Variants in CRIPT observed in about 807,000 individuals in gnomAD.
CRIPT encodes the protein cysteine-rich PDZ-binding protein.
A neutral mutation model predicts 16.6 loss-of-function variants in CRIPT; 20 were observed. That is an observed-to-expected ratio of 1.20 (90% confidence interval 0.85 to 1.75). The LOEUF is 1.75. Among genes scored for constraint, CRIPT ranks in the 40% most tolerant of loss-of-function variants. CRIPT has a pLI of 0.00. For synonymous variants in CRIPT, 42 were observed against 37.0 expected (o/e 1.14, Z -0.49); for missense variants, 133 against 115.3 (o/e 1.15, Z -0.70).
Position 46,625,980 on chromosome 2 carries a change from T to C in CRIPT, c.*1753T>C, listed in dbSNP as rs1670928383. Among the ~76,000 whole-genome samples, 1 of 152,168 alleles carries C rather than the reference T, an allele frequency of 6.6e-6. No individual in the cohort carries two copies. Among genetic ancestry groups the C allele is most frequent in the Non-Finnish European group, 1.5e-5 (1 of 68,044 alleles). On this transcript the variant is annotated 3_prime_UTR_variant, in exon 5 of 5. Coordinates refer to ENST00000238892, the MANE Select transcript of CRIPT (RefSeq NM_014171.6). ...CTTTTATTTTAGATGTAGGGGTACA[T>C]GTGCAGGTGAGTTATATGGGTATAT... is the stretch of plus-strand genomic sequence containing the variant.
In CRIPT at chr2:46,625,568, A is replaced by T. The variant is rs1242008571; in HGVS notation, c.*1341A>T. ...CACTACAAAATGTATAGAAAGTGTG[A>T]TGAGATACATGAATGGCATTTTTAT... On this transcript the variant is annotated 3_prime_UTR_variant, in exon 5 of 5. Transcript: ENST00000238892. 6.6e-6 allele frequency: 1 copy of T among 152,070 alleles called. No individual in the cohort carries two copies. The highest frequency in any genetic ancestry group is 6.6e-5 in the Admixed American group (1 of 15,266). 9.4% of individuals were successfully genotyped at this position (152,070 alleles called of 1,614,324 possible).
At chr2:46,618,682 A>T in intron 1 of CRIPT, 91 bp from the exon 2 acceptor site, 1 of 738,238 alleles carries the variant, frequency 1.4e-6, no homozygotes, top group Non-Finnish European at 2.3e-6. Flanking sequence ...AATACCATTG[A>T]TAGTCGATAC....
chr2:46,628,899 GA>G lies in CRIPT; in HGVS notation c.*4679del, dbSNP rs1671008093. On this transcript the variant is annotated 3_prime_UTR_variant, in exon 5 of 5. Transcript: ENST00000238892. ...GCCACAGCCAGAGTTGAAAAATGCA[GA>G]AAAAAAGTTTAAAAACAAGGAATTA... Among the ~76,000 whole-genome samples, 2 of 151,872 alleles carry G rather than the reference GA, an allele frequency of 1.3e-5. No homozygotes were observed. Among genetic ancestry groups the G allele is most frequent in the African/African-American group, 2.4e-5 (1 of 41,370 alleles).
In CRIPT at chr2:46,626,224, A is replaced by G. The variant is rs1290277282; in HGVS notation, c.*1997A>G. 1.3e-5 allele frequency among the ~76,000 whole-genome samples: 2 copies of G among 152,150 alleles called. No homozygotes were observed. Among genetic ancestry groups the G allele is most frequent in the Non-Finnish European group, 2.9e-5 (2 of 68,038 alleles). On this transcript the variant is annotated 3_prime_UTR_variant, in exon 5 of 5. Transcript: ENST00000238892. ...TCTGTTCCTGTGTATATTCACTATA[A>G]TGACCTCCAGCTGCATCCATGTTGC...
chr2:46,627,306 C>T lies in CRIPT; in HGVS notation c.*3079C>T, dbSNP rs1245936365. 2.6e-5 allele frequency among the ~76,000 whole-genome samples: 4 copies of T among 152,158 alleles called. No individual in the cohort carries two copies. The East Asian group carries it at 7.7e-4, about 29-fold the overall frequency. On this transcript the variant is annotated 3_prime_UTR_variant, in exon 5 of 5. Coordinates refer to ENST00000238892, the MANE Select transcript of CRIPT (RefSeq NM_014171.6). ...GAAGCTCTTTAGTTTGATTAGGTTCCACTTGTCAATTTTTGTTTTTGTTGC... is the reference window on the plus strand; with the variant it reads ...GAAGCTCTTTAGTTTGATTAGGTTCTACTTGTCAATTTTTGTTTTTGTTGC...
At chr2:46,624,120 T>A (rs772069104) in intron 4 of CRIPT, 43 bp from the exon 5 acceptor site, 1 of 1,397,762 alleles carries the variant, frequency 7.2e-7, no homozygotes, top group Non-Finnish European at 9.7e-7. Flanking sequence ...ACCAAACAGT[T>A]GGTATTATGA....
At chr2:46,622,669 C>T (rs1423582309) in intron 3 of CRIPT, among the ~76,000 whole-genome samples, 15 of 152,028 alleles carry the variant, frequency 9.9e-5, no homozygotes, top group East Asian at 7.8e-4. Flanking sequence ...CAAAATTAGC[C>T]GGGCGTGGTA....
chr2:46,627,865 A>C lies in CRIPT; in HGVS notation c.*3638A>C, dbSNP rs1223879399. On this transcript the variant is annotated 3_prime_UTR_variant, in exon 5 of 5. Transcript: ENST00000238892. ...TCCAGCACCATTTATTGAATTAGGGAATCCTTTCTCTGTTGCTTATTTTTG... is the reference window on the plus strand; with the variant it reads ...TCCAGCACCATTTATTGAATTAGGGCATCCTTTCTCTGTTGCTTATTTTTG... 1.3e-5 allele frequency among the ~76,000 whole-genome samples: 2 copies of C among 152,126 alleles called. No individual in the cohort carries two copies. The highest frequency in any genetic ancestry group is 2.9e-5 in the Non-Finnish European group (2 of 68,014).
intron 3 of CRIPT, among the ~76,000 whole-genome samples, chr2:46,623,463 A>G (rs1249458756): frequency 6.6e-6 from 1 of 152,240 alleles, no homozygotes; most frequent in Non-Finnish European, 1.5e-5. Flanking sequence ...CCCACATTTC[A>G]TCAGTTTCCA....
Position 46,625,784 on chromosome 2 carries a change from T to A in CRIPT, c.*1557T>A, listed in dbSNP as rs942498767. 1 of 152,134 alleles carries A rather than the reference T, an allele frequency of 6.6e-6. No homozygotes were observed. Among genetic ancestry groups the A allele is most frequent in the Non-Finnish European group, 1.5e-5 (1 of 68,036 alleles). 9.4% of individuals were successfully genotyped at this position (152,134 alleles called of 1,614,324 possible). On this transcript the variant is annotated 3_prime_UTR_variant, in exon 5 of 5. Coordinates refer to ENST00000238892, the MANE Select transcript of CRIPT (RefSeq NM_014171.6). ...GCTTAATCAGTTTGGGGTTTTTAAT[T>A]ATAACACAGGAAACTCATAACAGGA...
rs529606642 is a variant in CRIPT, at chr2:46,625,538, C to T, written c.*1311C>T. 6.6e-6 allele frequency: 1 copy of T among 152,084 alleles called. No individual in the cohort carries two copies. The highest frequency in any genetic ancestry group is 2.4e-5 in the African/African-American group (1 of 41,488). The allele number at this position is 152,084 out of a possible 1,614,324, so 9.4% of individuals were successfully genotyped here. A position where few individuals can be genotyped will look rare whatever the true frequency, so the allele number is the denominator to read the frequency against. On this transcript the variant is annotated 3_prime_UTR_variant, in exon 5 of 5. Coordinates refer to ENST00000238892, the MANE Select transcript of CRIPT (RefSeq NM_014171.6). ...TTTCCAACTGCAGTATGTATAAATA[C>T]ATATCACTACAAAATGTATAGAAAG...
Position 46,618,834 on chromosome 2 carries a change from C to T in CRIPT, c.78C>T (p.Thr26=), listed in dbSNP as rs373483934. 4 of 1,590,352 alleles carry T rather than the reference C, an allele frequency of 2.5e-6. No homozygotes were observed. Among genetic ancestry groups the T allele is most frequent in the African/African-American group, 2.7e-5 (2 of 74,102 alleles). ...PDTWKDGARN[T]TESGGRKLNE... ...CATGGAAAGATGGTGCTAGGAATACCACAGGTATTTCTTCTTTTAGAAAAT... is the reference window on the plus strand; with the variant it reads ...CATGGAAAGATGGTGCTAGGAATACTACAGGTATTTCTTCTTTTAGAAAAT... The change falls in exon 2 of 5, where the codon ACC becomes ACT. Residue 26 remains threonine, a synonymous_variant. Coordinates refer to ENST00000238892, the MANE Select transcript of CRIPT (RefSeq NM_014171.6).
chr2:46,621,083 C>A (rs1482192355), intron 3 of CRIPT, among the ~76,000 whole-genome samples: 1 of 152,196 alleles, frequency 6.6e-6, no homozygotes, highest in African/African-American at 2.4e-5. Flanking sequence ...ACTGTAATAA[C>A]TATTGAACTA....
At chr2:46,620,812 C>G (rs1324293715) in intron 3 of CRIPT, among the ~76,000 whole-genome samples, 1 of 151,478 alleles carries the variant, frequency 6.6e-6, no homozygotes, top group Non-Finnish European at 1.5e-5. Flanking sequence ...AGCAGTTTAT[C>G]TGACATACCT....
chr2:46,618,573 A>T (rs1179655476), intron 1 of CRIPT, among the ~76,000 whole-genome samples, 200 bp from the exon 2 acceptor site: 2 of 152,212 alleles, frequency 1.3e-5, no homozygotes, highest in Non-Finnish European at 1.5e-5. Flanking sequence ...TCATCTTATT[A>T]TCCTACGCAT....
At chr2:46,618,305 G>T (rs1035422292) in intron 1 of CRIPT, among the ~76,000 whole-genome samples, 5 of 151,058 alleles carry the variant, frequency 3.3e-5, no homozygotes, top group African/African-American at 1.2e-4. Context: ...AAAAAAAAAT[G>T]AATATATAAA....
At position 46,629,090 on chromosome 2, in the gene CRIPT, A is replaced by T. The variant is rs145894936; in HGVS notation, c.*4863A>T. On this transcript the variant is annotated 3_prime_UTR_variant, in exon 5 of 5. Transcript: ENST00000238892. The stretch of plus-strand genomic sequence containing the variant: ...TATATAGCTGTCAGAATGATAGAAG[A>T]ATTACATATGTGTGCAAAAGTTTTT... Among the ~76,000 whole-genome samples, 1 of 152,362 alleles carries T rather than the reference A, an allele frequency of 6.6e-6. No homozygotes were observed. Among genetic ancestry groups the T allele is most frequent in the East Asian group, 1.9e-4 (1 of 5,192 alleles).
At position 46,627,881 on chromosome 2, in the gene CRIPT, C is replaced by G. The variant is rs966763515; in HGVS notation, c.*3654C>G. The stretch of plus-strand genomic sequence containing the variant: ...GAATTAGGGAATCCTTTCTCTGTTG[C>G]TTATTTTTGTTAACTTTGTCAAAGG... On this transcript the variant is annotated 3_prime_UTR_variant, in exon 5 of 5. Coordinates refer to ENST00000238892, the MANE Select transcript of CRIPT (RefSeq NM_014171.6). Among the ~76,000 whole-genome samples the G allele has an allele frequency of 6.6e-6, 1 of 152,092 alleles. No individual in the cohort carries two copies. The highest frequency in any genetic ancestry group is 2.4e-5 in the African/African-American group (1 of 41,416).
chr2:46,624,569 T>C lies in CRIPT; in HGVS notation c.*342T>C, dbSNP rs978492767. The C allele has an allele frequency of 6.2e-6, 1 of 162,418 alleles. No homozygotes were observed. The highest frequency in any genetic ancestry group is 2.4e-5 in the African/African-American group (1 of 41,910). 10.1% of individuals were successfully genotyped at this position (162,418 alleles called of 1,614,324 possible). On this transcript the variant is annotated 3_prime_UTR_variant, in exon 5 of 5. Coordinates refer to ENST00000238892, the MANE Select transcript of CRIPT (RefSeq NM_014171.6). ...GCAAAAGTGAGAAGGAGATAATAGA[T>C]ACTTTGCTCTGAATTTGGCATCCAG...
Sources: gnomAD v4.1 joint callset for allele counts (sites outside exome capture counted in the v4.1 genomes callset) on GRCh38, gnomAD v4.1.1 for gene constraint, MANE v1.5 for transcripts, NCBI Gene and HGNC (gene_info 2026-07-23, HGNC 2026-07-21) for gene names.